Variants in BACH2 observed in about 807,000 individuals in gnomAD.
BACH2 encodes the protein BACH transcriptional regulator 2.
Under a neutral mutation model 61.8 loss-of-function variants are expected in BACH2, and 5 were observed. The observed-to-expected ratio is 0.08, with a 90% CI of 0.04 to 0.17. The LOEUF (loss-of-function observed/expected upper bound fraction) is 0.17. Ranked by LOEUF, BACH2 falls within the 10% of genes least tolerant of loss-of-function variation. The probability of loss-of-function intolerance (pLI) is 1.00; values close to 1 mark genes in which losing one functional copy is unlikely to be tolerated. For missense variants in BACH2, 824 were observed against 1,091.1 expected, an observed-to-expected ratio of 0.76 and a Z score of 3.45; for synonymous variants, 446 against 440.1, an observed-to-expected ratio of 1.01 and a Z score of -0.17.
intron 8 of BACH2, among the ~76,000 whole-genome samples, chr6:89,934,875 C>A (rs376637989): frequency 4.6e-5 from 7 of 152,106 alleles, no homozygotes; most frequent in African/African-American, 9.6e-5. Context: ...AACAGGTCTC[C>A]GACACGGGAG....
At chr6:89,969,114 T>C (rs1481285404) in intron 6 of BACH2, among the ~76,000 whole-genome samples, 1 of 143,944 alleles carries the variant, frequency 6.9e-6, no homozygotes, top group Non-Finnish European at 1.5e-5. Context: ...AGTGCAATGG[T>C]GCGATCTTGG....
chr6:90,276,513 C>T (rs868419570), intron 1 of BACH2, among the ~76,000 whole-genome samples: 1 of 152,136 alleles, frequency 6.6e-6, no homozygotes, highest in African/African-American at 2.4e-5. Flanking sequence ...AGACAGGTTG[C>T]CTCTGGATAA....
chr6:89,981,725 C>A (rs1331289130), intron 6 of BACH2, among the ~76,000 whole-genome samples: 1 of 152,096 alleles, frequency 6.6e-6, no homozygotes, highest in Non-Finnish European at 1.5e-5. Flanking sequence ...CTTTAAAAAT[C>A]CTGGGTCTGG....
At chr6:90,162,984 T>G in intron 4 of BACH2, among the ~76,000 whole-genome samples, 1 of 152,220 alleles carries the variant, frequency 6.6e-6, no homozygotes, top group East Asian at 1.9e-4. Context: ...TAAAAATAAC[T>G]GATATGGCCT....
intron 4 of BACH2, among the ~76,000 whole-genome samples, chr6:90,156,053 A>C (rs542672636): frequency 6.6e-6 from 1 of 152,252 alleles, no homozygotes; most frequent in South Asian, 2.1e-4. Context: ...TTAGTGAGGG[A>C]GTTCCGCTAT....
chr6:90,080,028 C>T (rs546149798), intron 5 of BACH2, among the ~76,000 whole-genome samples: 4 of 152,068 alleles, frequency 2.6e-5, no homozygotes, highest in Middle Eastern at 3.4e-3. Flanking sequence ...CAACGTGATC[C>T]GCAAGGCACG....
chr6:90,168,409 T>C (rs1305906384), intron 4 of BACH2, among the ~76,000 whole-genome samples: 4 of 152,154 alleles, frequency 2.6e-5, no homozygotes, highest in Admixed American at 6.5e-5. Context: ...ATTCAAACAA[T>C]GGAAAACTAT....
intron 3 of BACH2, among the ~76,000 whole-genome samples, chr6:90,240,645 C>T (rs969975038): frequency 3.9e-5 from 6 of 152,066 alleles, no homozygotes; most frequent in African/African-American, 1.4e-4. Flanking sequence ...AATAAGAAGG[C>T]AAATGGACTT....
intron 5 of BACH2, among the ~76,000 whole-genome samples, chr6:90,014,438 GTGTATA>G (rs1198048448): frequency 1.8e-4 from 13 of 73,164 alleles, no homozygotes; most frequent in Admixed American, 3.5e-4. Flanking sequence ...GTGTGTGTGT[GTGTATA>G]TATATATATA....
At chr6:90,248,777 A>G (rs1341710003) in intron 3 of BACH2, among the ~76,000 whole-genome samples, 4 of 152,134 alleles carry the variant, frequency 2.6e-5, no homozygotes, top group African/African-American at 9.7e-5. Context: ...ACTCCCACCA[A>G]CTCCGGGGAG....
rs114477034 is a variant in BACH2 at position 90,292,635 on chromosome 6, G to A, written c.-446+3845C>T. ...GCATCTTTCTATTTTCCAGGTAGTT[G>A]TAACCATTCATTGGGTGCATACTCA... On this transcript the variant is annotated intron_variant, in intron 1 of 8. Transcript: ENST00000257749. Among the ~76,000 whole-genome samples the A allele has an allele frequency of 3.3e-3, 505 of 152,290 alleles. 4 individuals carry two copies. The highest frequency in any genetic ancestry group is 0.012 in the African/African-American group (482 of 41,544).
At chr6:90,095,307 C>T (rs1257397322) in intron 4 of BACH2, among the ~76,000 whole-genome samples, 4 of 151,798 alleles carry the variant, frequency 2.6e-5, no homozygotes, top group African/African-American at 7.3e-5. Flanking sequence ...CTTTGAACCA[C>T]AGATCTTGTG....
intron 1 of BACH2, among the ~76,000 whole-genome samples, chr6:90,272,574 T>C (rs1348821227): frequency 6.6e-6 from 1 of 152,208 alleles, no homozygotes; most frequent in Admixed American, 6.5e-5. Flanking sequence ...GCAACACTAC[T>C]GCTGTGGAAA....
At chr6:90,010,049 A>T (rs1777623753) in intron 5 of BACH2, among the ~76,000 whole-genome samples, 1 of 152,250 alleles carries the variant, frequency 6.6e-6, no homozygotes, top group South Asian at 2.1e-4. Flanking sequence ...GAGTAGTAAG[A>T]ATTCCAGTAG....
intron 1 of BACH2, among the ~76,000 whole-genome samples, chr6:90,293,057 T>C (rs1490237706): frequency 6.6e-6 from 1 of 152,106 alleles, no homozygotes; most frequent in Non-Finnish European, 1.5e-5. Context: ...GAGGGGCCCT[T>C]TGTTCAAAAA....
chr6:90,119,938 C>T (rs181094491), intron 4 of BACH2, among the ~76,000 whole-genome samples: 129 of 152,198 alleles, frequency 8.5e-4, no homozygotes, highest in African/African-American at 3.0e-3. Context: ...GGTCAGGGGA[C>T]CATTAAGGAC....
At chr6:90,243,233 A>C (rs746872656) in intron 3 of BACH2, among the ~76,000 whole-genome samples, 7 of 151,332 alleles carry the variant, frequency 4.6e-5, no homozygotes, top group Non-Finnish European at 3.0e-5. Flanking sequence ...AAATGTATTA[A>C]TAACTAGTCG....
rs1478938219 is a variant in BACH2 at position 90,065,258 on chromosome 6, C to T, written c.-13+23703G>A. Among the ~76,000 whole-genome samples the T allele has an allele frequency of 2.5e-5, 3 of 120,760 alleles. No individual in the cohort carries two copies. In the East Asian group the frequency reaches 6.2e-4, roughly 25 times the overall value. 79.2% of individuals were successfully genotyped at this position (120,760 alleles called of 152,430 possible). A position where few individuals can be genotyped will look rare whatever the true frequency, so the allele number is the denominator to read the frequency against. On this transcript the variant is annotated intron_variant, in intron 5 of 8. Transcript: ENST00000257749. ...GTAGGTCCTGCTGCCACCCCACCCC[C>T]TGCCGCCCCCACTTTTTTTTTTTTT...
intron 5 of BACH2, among the ~76,000 whole-genome samples, chr6:90,081,319 T>C (rs958457596): frequency 2.0e-5 from 3 of 152,052 alleles, no homozygotes; most frequent in African/African-American, 7.2e-5. Flanking sequence ...GGCGGCCAAA[T>C]CGAAACTAAA....
Sources: gnomAD v4.1 joint callset for allele counts (sites outside exome capture counted in the v4.1 genomes callset) on GRCh38, gnomAD v4.1.1 for gene constraint, MANE v1.5 for transcripts, NCBI Gene and HGNC (gene_info 2026-07-23, HGNC 2026-07-21) for gene names.